Variants in ANO10 observed in about 807,000 individuals in gnomAD.
ANO10 encodes the protein anoctamin 10, also known as anoctamin-10.
In ANO10, 77 loss-of-function variants were observed where a neutral mutation model predicts 74.7. The ratio of observed to expected loss-of-function variants is 1.03; its 90% CI spans 0.86 to 1.25. The LOEUF is 1.25. ANO10 is among the 50% of genes most tolerant of loss of function. The pLI, the probability that ANO10 is intolerant of heterozygous loss-of-function variation, is 0.00. For synonymous variants in ANO10, 279 were observed against 284.9 expected (o/e 0.98, Z 0.21); for missense variants, 721 against 778.1 (o/e 0.93, Z 0.87).
intron 1 of ANO10, among the ~76,000 whole-genome samples, chr3:43,645,421 A>C (rs2149565625): frequency 6.6e-6 from 1 of 151,670 alleles, no homozygotes; most frequent in African/African-American, 2.4e-5. Flanking sequence ...CTCAGGAGGC[A>C]GAGGTTGTAG....
intron 9 of ANO10, among the ~76,000 whole-genome samples, chr3:43,558,292 T>C (rs879862904): frequency 1.3e-5 from 2 of 152,206 alleles, no homozygotes; most frequent in East Asian, 3.8e-4. Context: ...AGGCAGTTCA[T>C]TTACTGTGCA....
intron 9 of ANO10, among the ~76,000 whole-genome samples, chr3:43,559,732 C>T (rs970109876): frequency 8.6e-5 from 13 of 152,030 alleles, no homozygotes; most frequent in African/African-American, 3.1e-4. Context: ...GAATACCACC[C>T]CCAAGCATAG....
Position 43,576,689 on chromosome 3 carries a change from T to C in ANO10, c.1162+3A>G, listed in dbSNP as rs1321700902. ...GACGTGAATATAAAGCCTCAAGTCT[T>C]ACCCCATGAAGTTAAAAACTCGGCA... On this transcript the variant is annotated splice_donor_region_variant and intron_variant, in intron 6 of 12. Coordinates refer to ENST00000292246, the MANE Select transcript of ANO10 (RefSeq NM_018075.5). The C allele has an allele frequency of 1.2e-6, 2 of 1,613,900 alleles. No homozygotes were observed. Among genetic ancestry groups the C allele is most frequent in the East Asian group, 4.5e-5 (2 of 44,884 alleles).
intron 11 of ANO10, among the ~76,000 whole-genome samples, chr3:43,548,304 T>C (rs2079294466): frequency 6.6e-6 from 1 of 152,190 alleles, no homozygotes. Context: ...CCTAGCCAGC[T>C]GGTCTCTCCC....
chr3:43,582,876 A>G (rs1013928369), intron 4 of ANO10, among the ~76,000 whole-genome samples: 1 of 152,216 alleles, frequency 6.6e-6, no homozygotes, highest in Non-Finnish European at 1.5e-5. Flanking sequence ...AGCTTAGAAG[A>G]GTTAGAGTTG....
At chr3:43,455,508 C>A (rs1016260431) in intron 11 of ANO10, among the ~76,000 whole-genome samples, 2 of 151,600 alleles carry the variant, frequency 1.3e-5, no homozygotes, top group African/African-American at 4.9e-5. Context: ...GCCCTTAAGT[C>A]CTTGAGGAAT....
At chr3:43,583,238 G>GT (rs1008754780) in intron 4 of ANO10, among the ~76,000 whole-genome samples, 402 of 145,196 alleles carry the variant, frequency 2.8e-3, no homozygotes, top group African/African-American at 3.8e-3. Flanking sequence ...TTGCTTTTTG[G>GT]TTTTTTTTTT....
intron 11 of ANO10, among the ~76,000 whole-genome samples, chr3:43,462,842 A>G (rs1575920188): frequency 6.6e-6 from 1 of 152,102 alleles, no homozygotes; most frequent in East Asian, 1.9e-4. Context: ...TGTCCCAGCC[A>G]CTCCAGCCGT....
At chr3:43,449,654 T>C (rs35417679) in intron 11 of ANO10, among the ~76,000 whole-genome samples, 1 of 152,174 alleles carries the variant, frequency 6.6e-6, no homozygotes, top group Admixed American at 6.5e-5. Context: ...TATTTATTTG[T>C]CTATTCTTTC....
intron 1 of ANO10, among the ~76,000 whole-genome samples, chr3:43,667,767 T>C (rs1440502890): frequency 6.6e-6 from 1 of 152,170 alleles, no homozygotes; most frequent in Non-Finnish European, 1.5e-5. Context: ...GCAAAAGACA[T>C]TATTTTGTTC....
chr3:43,466,399 A>AAAAAT (rs397989356), intron 11 of ANO10, among the ~76,000 whole-genome samples: 1 of 149,694 alleles, frequency 6.7e-6, no homozygotes, highest in Non-Finnish European at 1.5e-5. Context: ...AAACAAAAAA[A>AAAAAT]CCAGTAATCA....
At chr3:43,570,639 A>G (rs2080652637) in intron 7 of ANO10, among the ~76,000 whole-genome samples, 1 of 151,052 alleles carries the variant, frequency 6.6e-6, no homozygotes, top group East Asian at 1.9e-4. Context: ...ATATGTAGAA[A>G]GCTGAAACTG....
At chr3:43,428,663 T>C (rs896701673) in intron 12 of ANO10, among the ~76,000 whole-genome samples, 35 of 152,162 alleles carry the variant, frequency 2.3e-4, no homozygotes, top group Middle Eastern at 3.4e-3. Flanking sequence ...ATCAGATCTA[T>C]GTCCTCAGGG....
intron 1 of ANO10, among the ~76,000 whole-genome samples, chr3:43,683,052 T>C (rs1338106304): frequency 1.3e-5 from 2 of 152,156 alleles, no homozygotes; most frequent in African/African-American, 4.8e-5. Flanking sequence ...ACCACTCCTA[T>C]TCAACACAGT....
intron 12 of ANO10, among the ~76,000 whole-genome samples, chr3:43,368,977 A>G (rs958409660): frequency 1.3e-4 from 20 of 152,250 alleles, no homozygotes; most frequent in African/African-American, 4.6e-4. Context: ...GCTCCTTTCA[A>G]GGCATGGTGG....
chr3:43,660,900 G>A (rs1393658894), intron 1 of ANO10, among the ~76,000 whole-genome samples: 5 of 152,214 alleles, frequency 3.3e-5, no homozygotes, highest in Non-Finnish European at 7.3e-5. Flanking sequence ...GTTGCGTTGA[G>A]CCGAGATCAT....
chr3:43,563,827 G>A (rs768511380), intron 8 of ANO10, among the ~76,000 whole-genome samples: 8 of 152,120 alleles, frequency 5.3e-5, no homozygotes, highest in East Asian at 1.9e-4. Context: ...AGAGTGGGAC[G>A]ACGGTTACCA....
At chr3:43,432,790 T>A (rs558823614) in intron 11 of ANO10, 63 bp from the exon 12 acceptor site, 101 of 1,079,828 alleles carry the variant, frequency 9.4e-5, no homozygotes, top group Non-Finnish European at 1.4e-4. Flanking sequence ...AGGAAATAAA[T>A]TGATATCTAA....
chr3:43,616,633 A>T (rs1298814860), intron 1 of ANO10, among the ~76,000 whole-genome samples: 2 of 152,122 alleles, frequency 1.3e-5, no homozygotes, highest in Admixed American at 6.6e-5. Context: ...ATGCTCTTGG[A>T]GCTTTGAACA....
Sources: allele counts gnomAD v4.1 joint callset (sites outside exome capture counted in the v4.1 genomes callset), GRCh38; gene constraint gnomAD v4.1.1; transcripts MANE v1.5; gene names NCBI Gene and HGNC (gene_info 2026-07-23, HGNC 2026-07-21).